Variants in DDHD1 observed in about 807,000 individuals in gnomAD.
The protein encoded by DDHD1 is DDHD domain containing 1.
A neutral mutation model predicts 96.4 loss-of-function variants in DDHD1; 49 were observed. The ratio of observed to expected loss-of-function variants is 0.51; its 90% CI spans 0.40 to 0.64. DDHD1 has a LOEUF of 0.64. DDHD1 is among the 30% of genes least tolerant of loss of function. The pLI, the probability that DDHD1 is intolerant of heterozygous loss-of-function variation, is 0.00. For synonymous variants in DDHD1, 442 were observed against 446.5 expected (o/e 0.99, Z 0.13); for missense variants, 1,106 against 1,161.2 (o/e 0.95, Z 0.69).
chr14:53,129,693 C>T (rs1270111116), intron 1 of DDHD1, among the ~76,000 whole-genome samples: 1 of 152,196 alleles, frequency 6.6e-6, no homozygotes, highest in Non-Finnish European at 1.5e-5. Flanking sequence ...GGCAATCTTT[C>T]AACCTCCATT....
In DDHD1 at chr14:53,086,071, T is replaced by C. The variant is rs187567208; in HGVS notation, c.1289+5714A>G. On this transcript the variant is annotated intron_variant, in intron 4 of 12. Transcript: ENST00000673822. The stretch of plus-strand genomic sequence containing the variant: ...TATCAGTGAATGAAGATCAAATTCA[T>C]GAAATGAAGCGAAAAGAGAAGTTAA... Among the ~76,000 whole-genome samples the C allele has an allele frequency of 1.3e-5, 2 of 152,174 alleles. 1 individual carries two copies. Among genetic ancestry groups the C allele is most frequent in the East Asian group, 3.9e-4 (2 of 5,182 alleles).
At position 53,055,859 on chromosome 14, in the gene DDHD1, G is replaced by A; in HGVS notation, c.2046C>T (p.Val682=). Residue 682 remains valine, a synonymous_variant, in exon 10 of 13, where the codon GTC becomes GTT. Coordinates refer to ENST00000673822, the MANE Select transcript of DDHD1 (RefSeq NM_001160148.2). The part of the protein sequence containing the change: ...ILKHYSNISP[V]QIHWYNTSNP... ...TTGAAGTATTGTACCAGTGGATCTG[G>A]ACAGGTGAAATGTTGCTGTAGTGTT... 1 of 1,613,438 alleles carries A rather than the reference G, an allele frequency of 6.2e-7. No individual in the cohort carries two copies. The highest frequency in any genetic ancestry group is 8.5e-7 in the Non-Finnish European group (1 of 1,179,610).
chr14:53,063,569 C>T (rs1174976208), intron 6 of DDHD1, among the ~76,000 whole-genome samples: 1 of 151,246 alleles, frequency 6.6e-6, no homozygotes, highest in African/African-American at 2.4e-5. Context: ...GTAACTTACC[C>T]ACATGCAATT....
chr14:53,119,512 T>G (rs1317847574), intron 1 of DDHD1, among the ~76,000 whole-genome samples: 1 of 152,186 alleles, frequency 6.6e-6, no homozygotes, highest in Non-Finnish European at 1.5e-5. Context: ...GAAGAAAATT[T>G]TAGGCTAATA....
chr14:53,089,519 C>A (rs1886259601), intron 4 of DDHD1, among the ~76,000 whole-genome samples: 6 of 152,172 alleles, frequency 3.9e-5, no homozygotes, highest in Admixed American at 3.9e-4. Flanking sequence ...CACACATCTA[C>A]AACCATCTGA....
At chr14:53,097,150 T>C (rs1162481518) in intron 2 of DDHD1, among the ~76,000 whole-genome samples, 1 of 152,046 alleles carries the variant, frequency 6.6e-6, no homozygotes, top group Non-Finnish European at 1.5e-5. Flanking sequence ...CAAATACATT[T>C]GATTTTCATC....
chr14:53,145,277 C>T (rs954931860), intron 1 of DDHD1, among the ~76,000 whole-genome samples: 3 of 151,838 alleles, frequency 2.0e-5, no homozygotes, highest in Admixed American at 1.3e-4. Context: ...GGCAGGAGGG[C>T]TGCTTGAGCC....
chr14:53,103,590 C>T, intron 2 of DDHD1, 93 bp downstream of exon 2: 1 of 1,068,762 alleles, frequency 9.4e-7, no homozygotes, highest in East Asian at 2.8e-5. Context: ...TCTAAACCTC[C>T]TGAATTATTA....
At chr14:53,104,472 A>G (rs575968268) in intron 1 of DDHD1, among the ~76,000 whole-genome samples, 2 of 152,344 alleles carry the variant, frequency 1.3e-5, no homozygotes, top group South Asian at 4.1e-4. Context: ...CTTAGAAAAT[A>G]TTAATATAAA....
intron 1 of DDHD1, among the ~76,000 whole-genome samples, chr14:53,149,242 G>C (rs1041859959): frequency 6.6e-6 from 1 of 152,068 alleles, no homozygotes; most frequent in African/African-American, 2.4e-5. Flanking sequence ...CTAACTTGTT[G>C]GCCTTGACAC....
chr14:53,054,490 G>A lies in DDHD1; in HGVS notation c.2385C>T (p.Thr795=), dbSNP rs1483976464. 28 of 1,613,970 alleles carry A rather than the reference G, an allele frequency of 1.7e-5. No homozygotes were observed. Among genetic ancestry groups the A allele is most frequent in the African/African-American group, 1.1e-4 (8 of 74,918 alleles). Residue 795 remains threonine (T), a synonymous_variant, in exon 11 of 13, where the codon ACC becomes ACT. Transcript: ENST00000673822. ...TATGTGGAAGGGTCTGTGTCCCTACGGTGGTAGCAGAAGGTGAGGCAACTG... is the reference window on the plus strand; with the variant it reads ...TATGTGGAAGGGTCTGTGTCCCTACAGTGGTAGCAGAAGGTGAGGCAACTG... The part of the protein sequence containing the change: ...KKPVASPSAT[T]VGTQTLPHSS...
chr14:53,051,069 T>C (rs550951177), intron 12 of DDHD1, among the ~76,000 whole-genome samples: 16 of 151,522 alleles, frequency 1.1e-4, no homozygotes, highest in Non-Finnish European at 1.9e-4. Flanking sequence ...TTTTTTTTTT[T>C]ACTTGAAAAA....
chr14:53,061,482 A>C (rs1018541912), intron 7 of DDHD1, among the ~76,000 whole-genome samples: 4 of 152,190 alleles, frequency 2.6e-5, no homozygotes, highest in Non-Finnish European at 4.4e-5. Context: ...ACATCTTTTA[A>C]AAAATTATAC....
rs184128645 is a variant in DDHD1 at position 53,046,931 on chromosome 14, A to G, written c.2540T>C (p.Ile847Thr). 6.2e-7 allele frequency: 1 copy of G among 1,606,328 alleles called. No individual in the cohort carries two copies. Among genetic ancestry groups the G allele is most frequent in the Admixed American group, 1.7e-5 (1 of 58,300 alleles). ...AAGGCCTTCTCTGAGTTCAAAATCA[A>G]TCCTGTGATCCAACTCCACTAAAAA... ...DNALVELDHR[I>T]DFELREGLVE... The change falls in exon 13 of 13, where the codon ATT becomes ACT. Residue 847 changes from isoleucine (I) to threonine (T), a missense_variant. Physicochemically the swap from Ile to Thr is moderately conservative, Grantham distance 89. This residue lies in a region of DDHD1 where 650 missense variants were observed against 758.8 expected (regional missense o/e 0.86). Coordinates refer to ENST00000673822, the MANE Select transcript of DDHD1 (RefSeq NM_001160148.2).
intron 2 of DDHD1, chr14:53,093,736 AT>A (rs1454161137): frequency 9.9e-6 from 3 of 302,706 alleles, no homozygotes; most frequent in Non-Finnish European, 1.8e-5. Flanking sequence ...ATGTGTTTTG[AT>A]AATTAACTGC....
chr14:53,082,976 G>A (rs1477410122), intron 4 of DDHD1, among the ~76,000 whole-genome samples: 1 of 152,074 alleles, frequency 6.6e-6, no homozygotes, highest in South Asian at 2.1e-4. Flanking sequence ...TATGCCTAAA[G>A]AAAATCTAGA....
intron 1 of DDHD1, among the ~76,000 whole-genome samples, chr14:53,122,847 G>A (rs367627612): frequency 1.1e-4 from 17 of 151,854 alleles, no homozygotes; most frequent in South Asian, 6.2e-4. Flanking sequence ...GATTACAGGC[G>A]TGAGCCACCG....
chr14:53,110,963 C>T (rs940172621), intron 1 of DDHD1, among the ~76,000 whole-genome samples: 1 of 152,154 alleles, frequency 6.6e-6, no homozygotes, highest in African/African-American at 2.4e-5. Flanking sequence ...GCCTAGGTGA[C>T]ACAGCGAGAG....
intron 1 of DDHD1, among the ~76,000 whole-genome samples, chr14:53,133,507 A>T (rs891424746): frequency 6.6e-6 from 1 of 152,148 alleles, no homozygotes; most frequent in East Asian, 1.9e-4. Context: ...TATCGCCCTC[A>T]ATCCTCAGGA....
Sources: gnomAD v4.1 joint callset for allele counts (sites outside exome capture counted in the v4.1 genomes callset) on GRCh38, gnomAD v4.1.1 for gene constraint, gnomAD v4.1.1 regional missense constraint, MANE v1.5 for transcripts, NCBI Gene and HGNC (gene_info 2026-07-23, HGNC 2026-07-21) for gene names.